Variants in TRIP12 observed in about 807,000 individuals in gnomAD.
TRIP12 encodes the protein thyroid hormone receptor interactor 12, also known as E3 ubiquitin-protein ligase TRIP12.
In TRIP12, 25 loss-of-function variants were observed where a neutral mutation model predicts 244.2. That is an observed-to-expected ratio of 0.10 (90% CI 0.07 to 0.14). The LOEUF is 0.14. Ranked by LOEUF, TRIP12 falls within the 10% of genes least tolerant of loss-of-function variation. TRIP12 has a pLI of 1.00. For synonymous variants in TRIP12, 905 were observed against 873.1 expected (o/e 1.04, Z -0.64); for missense variants, 1,677 against 2,486.4 (o/e 0.67, Z 6.92).
chr2:229,922,360 T>G, upstream of TRIP12: 1 of 717,314 alleles, frequency 1.4e-6, no homozygotes. Context: ...CAGGGTTCCC[T>G]AAGACCCTTG....
At chr2:229,842,076 TAGAC>T (rs1240402537) in intron 4 of TRIP12, among the ~76,000 whole-genome samples, 1 of 152,236 alleles carries the variant, frequency 6.6e-6, no homozygotes, top group Non-Finnish European at 1.5e-5. Context: ...AATCTATGTT[TAGAC>T]AGGCATTACT....
chr2:229,848,375 C>G (rs1415852808), intron 4 of TRIP12, among the ~76,000 whole-genome samples: 1 of 127,476 alleles, frequency 7.8e-6, no homozygotes, highest in African/African-American at 3.0e-5. Context: ...AAAGAAAACT[C>G]ACCATTAATG....
At chr2:229,823,615 G>T (rs1402917263) in intron 8 of TRIP12, among the ~76,000 whole-genome samples, 3 of 151,796 alleles carry the variant, frequency 2.0e-5, no homozygotes, top group African/African-American at 7.3e-5. Context: ...GGCGGAGCTT[G>T]CAGTGAGCTG....
chr2:229,834,768 A>G (rs541668329), intron 6 of TRIP12, among the ~76,000 whole-genome samples: 1 of 149,900 alleles, frequency 6.7e-6, no homozygotes, highest in East Asian at 1.9e-4. Flanking sequence ...TCAAAGAAGA[A>G]AAAAAAAAAG....
intron 6 of TRIP12, among the ~76,000 whole-genome samples, chr2:229,834,951 G>A (rs1417454734): frequency 6.6e-6 from 1 of 152,062 alleles, no homozygotes; most frequent in Non-Finnish European, 1.5e-5. Flanking sequence ...GACTATACAA[G>A]TACTATCCGA....
intron 8 of TRIP12, among the ~76,000 whole-genome samples, chr2:229,828,252 T>C (rs1432129800): frequency 1.3e-5 from 2 of 152,164 alleles, no homozygotes; most frequent in Non-Finnish European, 2.9e-5. Context: ...CTACGGTTTA[T>C]ATTAAGTTCA....
intron 6 of TRIP12, among the ~76,000 whole-genome samples, chr2:229,832,235 C>T (rs1449222664): frequency 2.0e-5 from 3 of 152,184 alleles, no homozygotes; most frequent in Non-Finnish European, 4.4e-5. Context: ...AAATCCAGTC[C>T]ACCACATGGT....
chr2:229,911,649 A>G (rs1242404307), intron 1 of TRIP12, among the ~76,000 whole-genome samples: 3 of 152,184 alleles, frequency 2.0e-5, no homozygotes, highest in Non-Finnish European at 4.4e-5. Flanking sequence ...CCCTGGTCTG[A>G]CTACTATACA....
chr2:229,821,428 C>A (rs1246574251), intron 8 of TRIP12, among the ~76,000 whole-genome samples: 1 of 152,180 alleles, frequency 6.6e-6, no homozygotes, highest in Non-Finnish European at 1.5e-5. Flanking sequence ...CGTTCTCTTT[C>A]AAGGGAGAGA....
chr2:229,827,158 T>G (rs2051888742), intron 8 of TRIP12, among the ~76,000 whole-genome samples: 1 of 151,866 alleles, frequency 6.6e-6, no homozygotes, highest in Admixed American at 6.6e-5. Context: ...CACGTGCCTG[T>G]AGTCCCAGCT....
chr2:229,883,946 TA>T (rs2065398564), intron 1 of TRIP12, among the ~76,000 whole-genome samples: 1 of 152,080 alleles, frequency 6.6e-6, no homozygotes, highest in African/African-American at 2.4e-5. Context: ...CCATTTGTAC[TA>T]TAAATACAAA....
At chr2:229,872,886 T>C (rs557096778) in intron 2 of TRIP12, among the ~76,000 whole-genome samples, 160 of 152,346 alleles carry the variant, frequency 1.1e-3, no homozygotes, top group African/African-American at 3.7e-3. Flanking sequence ...TCTTTGAGAC[T>C]GACTTATACT....
intron 1 of TRIP12, among the ~76,000 whole-genome samples, chr2:229,919,060 A>G (rs1035003846): frequency 6.6e-6 from 1 of 152,152 alleles, no homozygotes; most frequent in African/African-American, 2.4e-5. Context: ...TAAGATGAAA[A>G]CCTTAAAATA....
At chr2:229,898,464 C>T (rs921367559) in intron 1 of TRIP12, among the ~76,000 whole-genome samples, 9 of 152,062 alleles carry the variant, frequency 5.9e-5, no homozygotes, top group South Asian at 2.1e-4. Flanking sequence ...AAAAGTAAGA[C>T]GCAAAGGAAA....
At chr2:229,858,266 G>C (rs2059941913) in intron 4 of TRIP12, among the ~76,000 whole-genome samples, 1 of 152,172 alleles carries the variant, frequency 6.6e-6, no homozygotes, top group African/African-American at 2.4e-5. Context: ...TGGAGGCCAA[G>C]GCAAGAGGAT....
chr2:229,831,948 C>T lies in TRIP12; in HGVS notation c.1271-1109G>A, dbSNP rs574356808. Among the ~76,000 whole-genome samples the T allele has an allele frequency of 3.4e-5, 5 of 146,704 alleles. No individual in the cohort carries two copies. The South Asian group carries it at 1.1e-3, about 32-fold the overall frequency. ...ATAAGCTCTTCCACAATACCTTAAG[C>T]CCTATATACTGCACAGATTGTGACA... is the stretch of plus-strand genomic sequence containing the variant. On this transcript the variant is annotated intron_variant, in intron 6 of 41. Coordinates refer to ENST00000675903, the MANE Select transcript of TRIP12 (RefSeq NM_001348323.3).
chr2:229,791,829 T>G (rs2041623794), intron 29 of TRIP12, 37 bp downstream of exon 29: 1 of 1,600,936 alleles, frequency 6.2e-7, no homozygotes, highest in African/African-American at 1.3e-5. Context: ...AGTTTCAAAG[T>G]TTATGAAAAA....
chr2:229,772,549 C>T (rs1172142298), intron 38 of TRIP12, among the ~76,000 whole-genome samples: 4 of 152,074 alleles, frequency 2.6e-5, no homozygotes, highest in African/African-American at 4.8e-5. Flanking sequence ...CTGCAACCTC[C>T]GCCTCCTGGG....
chr2:229,915,526 A>T (rs1171826916), intron 1 of TRIP12, among the ~76,000 whole-genome samples: 1 of 152,130 alleles, frequency 6.6e-6, no homozygotes, highest in Non-Finnish European at 1.5e-5. Context: ...CACAAGACTT[A>T]TTCTGTCAAC....
Sources: gnomAD v4.1 joint callset for allele counts (sites outside exome capture counted in the v4.1 genomes callset) on GRCh38, gnomAD v4.1.1 for gene constraint, MANE v1.5 for transcripts, NCBI Gene and HGNC (gene_info 2026-07-23, HGNC 2026-07-21) for gene names.